WDR86: variants seen among roughly 807,000 people sequenced by gnomAD.
WDR86 encodes WD repeat-containing protein 86.
In WDR86, 30 loss-of-function variants were observed where a neutral mutation model predicts 36.5. That is an observed-to-expected ratio of 0.82 (90% CI 0.61 to 1.11). The LOEUF is 1.11. WDR86 is among the 50% of genes most tolerant of loss of function. The pLI, the probability that WDR86 is intolerant of heterozygous loss-of-function variation, is 0.00. For missense variants in WDR86, 545 were observed against 561.2 expected (o/e 0.97, Z 0.29); for synonymous variants, 255 against 252.9 (o/e 1.01, Z -0.08).
intron 2 of WDR86, 129 bp downstream of exon 2, chr7:151,399,971 G>T: frequency 1.2e-6 from 1 of 852,332 alleles, no homozygotes. Flanking sequence ...CCACCTCCCA[G>T]CTGTCCACGT....
downstream of WDR86, among the ~76,000 whole-genome samples, chr7:151,374,797 G>A (rs190365300): frequency 2.6e-5 from 4 of 152,176 alleles, no homozygotes; most frequent in South Asian, 2.1e-4. Flanking sequence ...CAGGTGCTGC[G>A]CTGCGTCTCA....
rs765614293 is a variant in WDR86 at position 151,409,440 on chromosome 7, G to C, written c.150C>G (p.Cys50Trp). The C allele has an allele frequency of 4.5e-6, 7 of 1,549,386 alleles. No homozygotes were observed. Among genetic ancestry groups the C allele is most frequent in the Non-Finnish European group, 6.1e-6 (7 of 1,152,426 alleles). Residue 50 changes from cysteine to tryptophan, a missense_variant, in exon 1 of 6, where the codon TGC becomes TGG. Transcript: ENST00000334493. The surrounding 1 kb of genome is among the most constrained non-coding windows in gnomAD (Gnocchi z 5.2). The part of the protein sequence containing the change: ...RLWSTADGQC[C>W]ALLQGHESYV... Reference sequence around the variant, plus strand: ...GGGAGGGTCTACCTTGCAGGAGCGCGCAGCACTGGCCGTCCGCGGTGCTCC... The same window carrying C: ...GGGAGGGTCTACCTTGCAGGAGCGCCCAGCACTGGCCGTCCGCGGTGCTCC...
chr7:151,398,411 G>A (rs1017279048), intron 2 of WDR86, among the ~76,000 whole-genome samples: 2 of 97,098 alleles, frequency 2.1e-5, no homozygotes, highest in African/African-American at 7.2e-5. Context: ...GTATATGTAT[G>A]TTGTGCGTGT....
downstream of WDR86, chr7:151,373,996 TGGC>T: frequency 7.4e-7 from 1 of 1,351,508 alleles, no homozygotes; most frequent in Non-Finnish European, 9.9e-7. Context: ...TTTGGTTTTT[TGGC>T]TTTGCCTGGA....
At chr7:151,378,935 G>A (rs1192841163), downstream of WDR86, among the ~76,000 whole-genome samples, 3 of 152,240 alleles carry the variant, frequency 2.0e-5, no homozygotes, top group Admixed American at 6.5e-5. Flanking sequence ...TGTGGAGGCA[G>A]TTCTGGGCAT....
downstream of WDR86, among the ~76,000 whole-genome samples, chr7:151,379,401 T>C (rs1194656696): frequency 6.6e-6 from 1 of 152,170 alleles, no homozygotes; most frequent in Non-Finnish European, 1.5e-5. Context: ...CCTGCCCATA[T>C]GTCCTATGGG....
At chr7:151,375,991 G>A (rs778565464) in exon 2 of WDR86, 5 of 1,203,182 alleles carry the variant, frequency 4.2e-6, no homozygotes, top group Non-Finnish European at 6.2e-6. Flanking sequence ...CTCGGGTGGG[G>A]TTGCTTGGGG....
At chr7:151,391,192 A>G (rs1799408835) in intron 3 of WDR86, among the ~76,000 whole-genome samples, 1 of 152,150 alleles carries the variant, frequency 6.6e-6, no homozygotes, top group African/African-American at 2.4e-5. Context: ...CAGGAGGGAG[A>G]ACTGACATAG....
chr7:151,381,899 T>G lies in WDR86; in HGVS notation c.945A>C (p.Thr315=). ...CTACCTGGATGCAGTTGATGATGAA[T>G]GTGTGGCCCCGGAACACCCTCCGCA... ...GELRRVFRGH[T]FIINCIQVHG... The change falls in exon 5 of 6, where the codon ACA becomes ACC. Residue 315 remains threonine, a synonymous_variant. Coordinates refer to ENST00000334493, the MANE Select transcript of WDR86 (RefSeq NM_198285.3). The surrounding 1 kb of genome is among the most constrained non-coding windows in gnomAD (Gnocchi z 4.8). 6.2e-7 allele frequency: 1 copy of G among 1,610,018 alleles called. No homozygotes were observed. Among genetic ancestry groups the G allele is most frequent in the Non-Finnish European group, 8.5e-7 (1 of 1,178,676 alleles).
intron 4 of WDR86, among the ~76,000 whole-genome samples, chr7:151,383,911 T>C (rs1798792373): frequency 1.3e-5 from 2 of 152,256 alleles, no homozygotes; most frequent in South Asian, 4.1e-4. Flanking sequence ...GGAGGTGTTC[T>C]AGGCGGCCGC....
At chr7:151,380,332 C>T (rs1385548071), downstream of WDR86, among the ~76,000 whole-genome samples, 3 of 152,216 alleles carry the variant, frequency 2.0e-5, no homozygotes, top group East Asian at 5.8e-4. Flanking sequence ...TGATCCCTGG[C>T]GGCCCCGGCC....
In WDR86 at chr7:151,381,807, G is replaced by T; in HGVS notation, c.967-61C>A. ...GTAGGCGGGGGGGACACCGCTGCCCGCGTGGATGGATCGGGGCGGGGCACC... is the reference window on the plus strand; with the variant it reads ...GTAGGCGGGGGGGACACCGCTGCCCTCGTGGATGGATCGGGGCGGGGCACC... On this transcript the variant is annotated intron_variant, in intron 5 of 5. Transcript: ENST00000334493. This position sits in a 1 kb window ranked among gnomAD's most constrained non-coding sequence, Gnocchi z 4.8. 1 of 1,449,794 alleles carries T rather than the reference G, an allele frequency of 6.9e-7. No individual in the cohort carries two copies. The highest frequency in any genetic ancestry group is 1.3e-5 in the South Asian group (1 of 79,312). The allele number at this position is 1,449,794 out of a possible 1,614,324, so 89.8% of individuals were successfully genotyped here.
chr7:151,402,070 A>AAAAAAAAAAAAAAAAAATATATAT, intron 1 of WDR86, among the ~76,000 whole-genome samples: 1 of 50,558 alleles, frequency 2.0e-5, no homozygotes, highest in African/African-American at 1.2e-4. Flanking sequence ...AAAAAAAAAA[A>AAAAAAAAAAAAAAAAAATATATAT]ATATATATAT....
At chr7:151,384,423 A>C (rs999201864) in intron 4 of WDR86, among the ~76,000 whole-genome samples, 4 of 152,182 alleles carry the variant, frequency 2.6e-5, no homozygotes, top group African/African-American at 9.7e-5. Flanking sequence ...TAAAGGACCA[A>C]CTCAGCTAGA....
chr7:151,397,640 G>GAGGGT (rs1799925167), intron 2 of WDR86, among the ~76,000 whole-genome samples: 1 of 139,046 alleles, frequency 7.2e-6, no homozygotes, highest in Non-Finnish European at 1.6e-5. Context: ...GCGGGAGGAA[G>GAGGGT]GGCATAGCGG....
chr7:151,381,393 C>A lies in WDR86; in HGVS notation c.*189G>T. The A allele has an allele frequency of 6.8e-7, 1 of 1,467,078 alleles. No individual in the cohort carries two copies. The highest frequency in any genetic ancestry group is 8.9e-7 in the Non-Finnish European group (1 of 1,118,872). 90.9% of individuals were successfully genotyped at this position (1,467,078 alleles called of 1,614,324 possible). A position where few individuals can be genotyped will look rare whatever the true frequency, so the allele number is the denominator to read the frequency against. On this transcript the variant is annotated 3_prime_UTR_variant, in exon 6 of 6. Transcript: ENST00000334493. This position sits in a 1 kb window ranked among gnomAD's most constrained non-coding sequence, Gnocchi z 4.8. Reference sequence around the variant, plus strand: ...AAAAGGGGGCGGTCCCCAGGGCGAGCACTCCCGCTCCCAGCGCCTCCTGGC... The same window carrying A: ...AAAAGGGGGCGGTCCCCAGGGCGAGAACTCCCGCTCCCAGCGCCTCCTGGC...
intron 3 of WDR86, among the ~76,000 whole-genome samples, chr7:151,393,580 A>T (rs1799593398): frequency 6.6e-6 from 1 of 152,112 alleles, no homozygotes; most frequent in South Asian, 2.1e-4. Context: ...TTCACTGGTG[A>T]CATGAGGGCG....
At chr7:151,370,633 G>A in the WDR86 span, among the ~76,000 whole-genome samples, 13 of 151,426 alleles carry the variant, frequency 8.6e-5, no homozygotes, top group Admixed American at 8.5e-4. Context: ...ATGCTGGTGC[G>A]CTGCACCCAT....
intron 3 of WDR86, among the ~76,000 whole-genome samples, chr7:151,391,608 C>T (rs1392752877): frequency 6.6e-6 from 1 of 152,104 alleles, no homozygotes; most frequent in Admixed American, 6.5e-5. Flanking sequence ...TTTCAAGAGG[C>T]AGATCTGGAT....
Sources: gnomAD v4.1 joint callset for allele counts (sites outside exome capture counted in the v4.1 genomes callset) on GRCh38, gnomAD v4.1.1 for gene constraint, Gnocchi (gnomAD v3.1) non-coding constraint, MANE v1.5 for transcripts, NCBI Gene and HGNC (gene_info 2026-07-23, HGNC 2026-07-21) for gene names.